MACROD2: variants seen among roughly 807,000 people sequenced by gnomAD.
The protein encoded by MACROD2 is ADP-ribose glycohydrolase MACROD2.
A neutral mutation model predicts 70.4 loss-of-function variants in MACROD2; 36 were observed. The observed-to-expected ratio is 0.51, with a 90% CI of 0.39 to 0.68. The LOEUF is 0.68. MACROD2 is among the 30% of genes least tolerant of loss of function. The pLI, the probability that MACROD2 is intolerant of heterozygous loss-of-function variation, is 0.00. For synonymous variants in MACROD2, 172 were observed against 178.8 expected (o/e 0.96, Z 0.30); for missense variants, 496 against 538.4 (o/e 0.92, Z 0.78).
At chr20:14,946,981 G>C (rs1314986625) in intron 5 of MACROD2, among the ~76,000 whole-genome samples, 1 of 152,112 alleles carries the variant, frequency 6.6e-6, no homozygotes, top group Non-Finnish European at 1.5e-5. Context: ...GAGACACAAA[G>C]GACATTTATT....
intron 8 of MACROD2, among the ~76,000 whole-genome samples, chr20:15,546,084 AAAAATAC>A (rs946801400): frequency 6.6e-6 from 1 of 152,212 alleles, no homozygotes; most frequent in Non-Finnish European, 1.5e-5. Context: ...AACCCCGTCT[AAAAATAC>A]AAAATTAGCC....
chr20:14,661,417 A>C (rs942599880), intron 4 of MACROD2, among the ~76,000 whole-genome samples: 1 of 151,536 alleles, frequency 6.6e-6, no homozygotes, highest in African/African-American at 2.4e-5. Context: ...TTTCTTATTG[A>C]GTTGTTTAAG....
chr20:15,417,970 G>T (rs927288182), intron 6 of MACROD2, among the ~76,000 whole-genome samples: 15 of 152,170 alleles, frequency 9.9e-5, no homozygotes, highest in Admixed American at 9.8e-4. Flanking sequence ...AAGGACCGAG[G>T]ATGCTCAAGA....
At chr20:14,300,571 G>T (rs1252058930) in intron 3 of MACROD2, among the ~76,000 whole-genome samples, 3 of 152,156 alleles carry the variant, frequency 2.0e-5, no homozygotes, top group Non-Finnish European at 2.9e-5. Context: ...GTGCCTTTGA[G>T]TCTTCCTTGG....
chr20:15,711,992 C>G (rs933611855), intron 8 of MACROD2, among the ~76,000 whole-genome samples: 4 of 152,070 alleles, frequency 2.6e-5, no homozygotes. Context: ...GACTAAGAAA[C>G]TGTTTCTTTC....
intron 3 of MACROD2, among the ~76,000 whole-genome samples, chr20:14,224,926 T>C (rs914136685): frequency 6.6e-6 from 1 of 152,216 alleles, no homozygotes; most frequent in East Asian, 1.9e-4. Context: ...CCATTCTACC[T>C]GATACCGTAT....
chr20:15,362,012 T>A (rs1277845588), intron 6 of MACROD2, among the ~76,000 whole-genome samples: 1 of 151,790 alleles, frequency 6.6e-6, no homozygotes, highest in African/African-American at 2.4e-5. Context: ...TTCTTCCTTT[T>A]TTTTTTTTTT....
At chr20:14,529,337 C>T (rs544851105) in intron 4 of MACROD2, among the ~76,000 whole-genome samples, 1 of 152,290 alleles carries the variant, frequency 6.6e-6, no homozygotes, top group Non-Finnish European at 1.5e-5. Flanking sequence ...ACCCAGGTCT[C>T]TTTTCATCTT....
intron 8 of MACROD2, among the ~76,000 whole-genome samples, chr20:15,614,589 A>C (rs540354313): frequency 6.6e-6 from 1 of 152,280 alleles, no homozygotes; most frequent in African/African-American, 2.4e-5. Flanking sequence ...CTAAATTTTA[A>C]CGTAAATTGG....
chr20:15,703,702 A>G (rs1280029908), intron 8 of MACROD2, among the ~76,000 whole-genome samples: 1 of 152,122 alleles, frequency 6.6e-6, no homozygotes, highest in Non-Finnish European at 1.5e-5. Context: ...ATGAAGTTGC[A>G]CTTACAATGC....
chr20:15,564,680 TA>T (rs1326387780), intron 8 of MACROD2, among the ~76,000 whole-genome samples: 2 of 152,186 alleles, frequency 1.3e-5, no homozygotes, highest in Non-Finnish European at 2.9e-5. Context: ...TTTATTTTAA[TA>T]TAATCACAAT....
intron 3 of MACROD2, among the ~76,000 whole-genome samples, chr20:14,469,370 T>G (rs1410566994): frequency 6.6e-6 from 1 of 152,070 alleles, no homozygotes; most frequent in Non-Finnish European, 1.5e-5. Context: ...ATTTTTTCCT[T>G]CGTTTCAACC....
chr20:15,132,305 A>G (rs1378205277), intron 5 of MACROD2, among the ~76,000 whole-genome samples: 1 of 152,038 alleles, frequency 6.6e-6, no homozygotes, highest in Non-Finnish European at 1.5e-5. Context: ...CATGTCAGCC[A>G]TTAAAAGATT....
chr20:15,477,849 C>T (rs911817711), intron 7 of MACROD2, among the ~76,000 whole-genome samples: 1 of 152,064 alleles, frequency 6.6e-6, no homozygotes, highest in African/African-American at 2.4e-5. Flanking sequence ...ATGAGGAAGG[C>T]AGGAGGGTCA....
chr20:15,147,302 T>C (rs752192047), intron 5 of MACROD2, among the ~76,000 whole-genome samples: 3 of 152,210 alleles, frequency 2.0e-5, no homozygotes, highest in Non-Finnish European at 4.4e-5. Context: ...CTCTCATCTA[T>C]AGACTGGATT....
At chr20:15,161,132 T>C (rs1170212986) in intron 5 of MACROD2, among the ~76,000 whole-genome samples, 2 of 151,966 alleles carry the variant, frequency 1.3e-5, no homozygotes, top group African/African-American at 4.8e-5. Context: ...CCTCTCTGAG[T>C]CTCAGTTTCT....
chr20:15,926,612 G>A (rs189897577), intron 10 of MACROD2, among the ~76,000 whole-genome samples: 2 of 152,244 alleles, frequency 1.3e-5, no homozygotes, highest in East Asian at 3.9e-4. Flanking sequence ...AATTTTAAAT[G>A]GAAGGTTCAG....
chr20:15,150,552 G>A (rs1214823011), intron 5 of MACROD2, among the ~76,000 whole-genome samples: 1 of 151,980 alleles, frequency 6.6e-6, no homozygotes, highest in Non-Finnish European at 1.5e-5. Context: ...TCCTTTTAAA[G>A]CATGCTGTGG....
At chr20:14,461,371 A>C (rs1039943226) in intron 3 of MACROD2, among the ~76,000 whole-genome samples, 8 of 151,844 alleles carry the variant, frequency 5.3e-5, no homozygotes, top group African/African-American at 1.9e-4. Flanking sequence ...CTTTTTAAAA[A>C]ACCAGCTCCT....
Sources: gnomAD v4.1 joint callset for allele counts (sites outside exome capture counted in the v4.1 genomes callset) on GRCh38, gnomAD v4.1.1 for gene constraint, MANE v1.5 for transcripts, NCBI Gene and HGNC (gene_info 2026-07-23, HGNC 2026-07-21) for gene names.